Variants in MED13L observed in about 807,000 individuals in gnomAD.
MED13L encodes the protein mediator complex subunit 13L.
In MED13L, 7 loss-of-function variants were observed where a neutral mutation model predicts 220.9. The ratio of observed to expected loss-of-function variants is 0.03; its 90% CI spans 0.02 to 0.06. MED13L has a LOEUF of 0.06. MED13L is among the 10% of genes least tolerant of loss of function. MED13L has a pLI of 1.00. For missense variants in MED13L, 1,965 were observed against 2,760.5 expected, an observed-to-expected ratio of 0.71 and a Z score of 6.46; for synonymous variants, 1,011 against 1,015.2, an observed-to-expected ratio of 1.00 and a Z score of 0.08.
chr12:116,112,631 A>G (rs1309524668), intron 2 of MED13L, among the ~76,000 whole-genome samples: 3 of 152,226 alleles, frequency 2.0e-5, no homozygotes, highest in African/African-American at 4.8e-5. Flanking sequence ...ATTTTCCCAA[A>G]GCAATCTCTG....
intron 4 of MED13L, among the ~76,000 whole-genome samples, chr12:116,057,513 T>A (rs1373455941): frequency 6.6e-6 from 1 of 151,672 alleles, no homozygotes; most frequent in African/African-American, 2.4e-5. Flanking sequence ...TCATCAGCAC[T>A]CAGGTTCCAG....
chr12:116,104,631 C>A (rs779908913), intron 3 of MED13L, among the ~76,000 whole-genome samples: 4 of 152,250 alleles, frequency 2.6e-5, no homozygotes, highest in Non-Finnish European at 4.4e-5. Flanking sequence ...ATGTCAGATA[C>A]CCACAGATTA....
chr12:116,215,532 T>C (rs1285744172), intron 2 of MED13L, among the ~76,000 whole-genome samples: 2 of 152,198 alleles, frequency 1.3e-5, no homozygotes, highest in Non-Finnish European at 2.9e-5. Context: ...TGTGCTAAAA[T>C]ACAAAAACCT....
At chr12:116,222,471 T>C (rs1190680404) in intron 2 of MED13L, among the ~76,000 whole-genome samples, 3 of 152,162 alleles carry the variant, frequency 2.0e-5, no homozygotes, top group Admixed American at 6.5e-5. Context: ...TAATCCAAAA[T>C]CCATGACCTA....
chr12:116,088,755 G>A (rs1467591777), intron 4 of MED13L, among the ~76,000 whole-genome samples: 3 of 148,496 alleles, frequency 2.0e-5, no homozygotes, highest in African/African-American at 7.4e-5. Flanking sequence ...GGGAGGGGAG[G>A]GGAGACCAAA....
At chr12:116,029,655 A>C (rs1036325228) in intron 4 of MED13L, among the ~76,000 whole-genome samples, 5 of 152,190 alleles carry the variant, frequency 3.3e-5, no homozygotes, top group African/African-American at 1.2e-4. Context: ...TTCATCAATA[A>C]ATATATAAAG....
intron 25 of MED13L, chr12:115,972,465 T>C (rs559809048): frequency 1.1e-5 from 6 of 528,608 alleles, no homozygotes; most frequent in South Asian, 1.9e-5. Context: ...AAGTCATGTC[T>C]GAAATGACCT....
At chr12:116,276,316 G>A (rs1055781145) in intron 1 of MED13L, 1 of 336,702 alleles carries the variant, frequency 3.0e-6, no homozygotes, top group African/African-American at 2.6e-5. Flanking sequence ...TTTTGTGTGT[G>A]TGTGTGTGTG....
chr12:116,084,916 A>C (rs192041497), intron 4 of MED13L, among the ~76,000 whole-genome samples: 1 of 152,266 alleles, frequency 6.6e-6, no homozygotes, highest in Admixed American at 6.5e-5. Flanking sequence ...CCTCCTATAT[A>C]TGTAGTCATT....
chr12:116,249,157 A>G (rs1476370084), intron 1 of MED13L, among the ~76,000 whole-genome samples: 1 of 152,236 alleles, frequency 6.6e-6, no homozygotes, highest in East Asian at 1.9e-4. Context: ...GAGTTCACCT[A>G]AAGCTGGGAG....
intron 4 of MED13L, among the ~76,000 whole-genome samples, chr12:116,049,454 C>T (rs1882025058): frequency 6.6e-6 from 1 of 152,060 alleles, no homozygotes; most frequent in Non-Finnish European, 1.5e-5. Flanking sequence ...CTTCTTTCAC[C>T]TTTTATAACC....
rs190666166 is a variant in MED13L, at chr12:116,147,483, G to A, written c.311-35971C>T. On this transcript the variant is annotated intron_variant, in intron 2 of 30. Transcript: ENST00000281928. ...AAAACAAAACTGTTTTACTGTTACTGTTATCCTTGCCAAATATAACCTCTG... is the reference window on the plus strand; with the variant it reads ...AAAACAAAACTGTTTTACTGTTACTATTATCCTTGCCAAATATAACCTCTG... Among the ~76,000 whole-genome samples the A allele has an allele frequency of 3.2e-3, 482 of 152,158 alleles. 3 individuals are homozygous for A. The highest frequency in any genetic ancestry group is 0.014 in the Middle Eastern group (4 of 294).
chr12:116,250,291 A>G (rs550920387), intron 1 of MED13L, among the ~76,000 whole-genome samples: 2 of 109,668 alleles, frequency 1.8e-5, no homozygotes, highest in South Asian at 6.8e-4. Flanking sequence ...TTAAGGTAAA[A>G]TACAGACTTA....
intron 4 of MED13L, among the ~76,000 whole-genome samples, chr12:116,035,262 A>C (rs1881111662): frequency 6.6e-6 from 1 of 152,222 alleles, no homozygotes; most frequent in Non-Finnish European, 1.5e-5. Context: ...TAAAAGAGGC[A>C]GAAATATAAA....
At chr12:116,163,164 A>G (rs1293168239) in intron 2 of MED13L, among the ~76,000 whole-genome samples, 1 of 152,202 alleles carries the variant, frequency 6.6e-6, no homozygotes, top group East Asian at 1.9e-4. Context: ...AAATACAAAC[A>G]AAACTGCCTA....
At chr12:116,157,116 C>A (rs1206168141) in intron 2 of MED13L, among the ~76,000 whole-genome samples, 1 of 152,144 alleles carries the variant, frequency 6.6e-6, no homozygotes, top group Non-Finnish European at 1.5e-5. Flanking sequence ...CAACACTTGC[C>A]ACCAAAACAT....
At chr12:116,028,932 C>G (rs1358624632) in intron 4 of MED13L, among the ~76,000 whole-genome samples, 1 of 152,114 alleles carries the variant, frequency 6.6e-6, no homozygotes, top group Non-Finnish European at 1.5e-5. Context: ...GAAGGTACTC[C>G]TATACATACT....
rs776593973 is a variant in MED13L at position 115,997,238 on chromosome 12, T to C, written c.2570-8A>G. 1 of 1,613,158 alleles carries C rather than the reference T, an allele frequency of 6.2e-7. No homozygotes were observed. Among genetic ancestry groups the C allele is most frequent in the Non-Finnish European group, 8.5e-7 (1 of 1,179,538 alleles). ...TTTGCAAGTCTGCAACTGCTAAAAA[T>C]AAGAAATAAAAAAAATTTGTTTAAT... is the stretch of plus-strand genomic sequence containing the variant. On this transcript the variant is annotated splice_polypyrimidine_tract_variant and splice_region_variant and intron_variant, in intron 14 of 30. Coordinates refer to ENST00000281928, the MANE Select transcript of MED13L (RefSeq NM_015335.5).
Position 115,989,312 on chromosome 12 carries a change from G to A in MED13L, c.3934+1708C>T, listed in dbSNP as rs181339233. 2.0e-4 allele frequency among the ~76,000 whole-genome samples: 31 copies of A among 152,166 alleles called. No individual in the cohort carries two copies. In the East Asian group the frequency reaches 6.0e-3, roughly 29 times the overall value. On this transcript the variant is annotated intron_variant, in intron 17 of 30. Coordinates refer to ENST00000281928, the MANE Select transcript of MED13L (RefSeq NM_015335.5). ...AATCCTTATCTTAAAATCTTCACTTGCATTTTAATGCCTGTCAATCACTTC... is the reference window on the plus strand; with the variant it reads ...AATCCTTATCTTAAAATCTTCACTTACATTTTAATGCCTGTCAATCACTTC...
Sources: allele counts gnomAD v4.1 joint callset (sites outside exome capture counted in the v4.1 genomes callset), GRCh38; gene constraint gnomAD v4.1.1; transcripts MANE v1.5; gene names NCBI Gene and HGNC (gene_info 2026-07-23, HGNC 2026-07-21).